Variants in NTNG1 observed in about 807,000 individuals in gnomAD.
NTNG1 encodes netrin G1.
Under a neutral mutation model 54.0 loss-of-function variants are expected in NTNG1, and 16 were observed. The observed-to-expected ratio is 0.30, with a 90% confidence interval of 0.20 to 0.45. The LOEUF (loss-of-function observed/expected upper bound fraction) is 0.45. Ranked by LOEUF, NTNG1 falls within the 20% of genes least tolerant of loss-of-function variation. The pLI, the probability that NTNG1 is intolerant of heterozygous loss-of-function variation, is 1.00. For synonymous variants in NTNG1, 255 were observed against 263.1 expected, an observed-to-expected ratio of 0.97 and a Z score of 0.30; for missense variants, 530 against 678.7, an observed-to-expected ratio of 0.78 and a Z score of 2.43.
intron 2 of NTNG1, among the ~76,000 whole-genome samples, chr1:107,249,438 C>CAT (rs1662437800): frequency 6.8e-6 from 1 of 146,402 alleles, no homozygotes. Flanking sequence ...GCCGAGATGG[C>CAT]GCCATTGCAC....
intron 7 of NTNG1, among the ~76,000 whole-genome samples, chr1:107,475,909 C>T (rs1475689361): frequency 2.6e-5 from 4 of 152,182 alleles, no homozygotes; most frequent in African/African-American, 9.7e-5. Context: ...GTCAAATACC[C>T]ATGGGAGCAA....
intron 2 of NTNG1, among the ~76,000 whole-genome samples, chr1:107,189,819 T>TA (rs66974543): frequency 5.6e-5 from 8 of 143,644 alleles, no homozygotes; most frequent in African/African-American, 1.6e-4. Context: ...AGTCAAAAGT[T>TA]AAAAAAAAAA....
At chr1:107,154,720 T>G (rs922030395) in intron 2 of NTNG1, among the ~76,000 whole-genome samples, 1 of 150,172 alleles carries the variant, frequency 6.7e-6, no homozygotes, top group Non-Finnish European at 1.5e-5. Context: ...ATAGCCAGGA[T>G]GGAAGAGGAA....
At chr1:107,466,243 T>C (rs1388279965) in intron 7 of NTNG1, among the ~76,000 whole-genome samples, 1 of 152,244 alleles carries the variant, frequency 6.6e-6, no homozygotes, top group African/African-American at 2.4e-5. Flanking sequence ...GGCTGTAGCA[T>C]GTCTGTGCAA....
chr1:107,370,321 T>G (rs967335348), intron 3 of NTNG1, among the ~76,000 whole-genome samples: 1 of 151,968 alleles, frequency 6.6e-6, no homozygotes, highest in Non-Finnish European at 1.5e-5. Flanking sequence ...ATTGATAAGT[T>G]TAGGGAGAAT....
rs973773792 is a variant in NTNG1, at chr1:107,304,411, T to G, written c.247-19871T>G. Among the ~76,000 whole-genome samples the G allele has an allele frequency of 3.9e-5, 6 of 152,296 alleles. No homozygotes were observed. In the East Asian group the frequency reaches 1.2e-3, roughly 29 times the overall value. On this transcript the variant is annotated intron_variant, in intron 2 of 7. Transcript: ENST00000370068. ...GTAACTGAATTTGGTGTTTTCACAT[T>G]TATGGCCAAATACATGAATTCTTCC...
intron 2 of NTNG1, among the ~76,000 whole-genome samples, chr1:107,278,323 A>G (rs78796337): frequency 0.014 from 2,194 of 152,220 alleles, 55 homozygotes; most frequent in African/African-American, 0.05. Flanking sequence ...ATATAAGTAT[A>G]CTCTACACTC....
chr1:107,327,885 G>A (rs899942477), intron 3 of NTNG1, among the ~76,000 whole-genome samples: 7 of 151,938 alleles, frequency 4.6e-5, no homozygotes, highest in Non-Finnish European at 8.8e-5. Flanking sequence ...CCAATTCTCC[G>A]TTTCTTTGTG....
chr1:107,388,618 G>A (rs1369778109), intron 3 of NTNG1, among the ~76,000 whole-genome samples: 1 of 152,214 alleles, frequency 6.6e-6, no homozygotes, highest in East Asian at 1.9e-4. Flanking sequence ...GAATTATTCA[G>A]ACAATGGTAG....
At chr1:107,397,206 T>C (rs1273223487) in intron 4 of NTNG1, among the ~76,000 whole-genome samples, 1 of 152,186 alleles carries the variant, frequency 6.6e-6, no homozygotes, top group Non-Finnish European at 1.5e-5. Flanking sequence ...TTTGGACGTT[T>C]TTCCTCATTG....
chr1:107,424,821 G>T (rs1383014073), intron 5 of NTNG1, among the ~76,000 whole-genome samples: 1 of 152,102 alleles, frequency 6.6e-6, no homozygotes, highest in East Asian at 1.9e-4. Flanking sequence ...ATTAATTGGG[G>T]AGTCAGTCCA....
At chr1:107,399,994 A>AT (rs1480751951) in intron 4 of NTNG1, among the ~76,000 whole-genome samples, 1 of 151,972 alleles carries the variant, frequency 6.6e-6, no homozygotes, top group African/African-American at 2.4e-5. Context: ...TCAGTCTACA[A>AT]TTTTTTCTTG....
intron 2 of NTNG1, among the ~76,000 whole-genome samples, chr1:107,291,298 T>C (rs1390803916): frequency 6.6e-6 from 1 of 152,152 alleles, no homozygotes; most frequent in East Asian, 1.9e-4. Context: ...TAGTATATAA[T>C]ACATATAACA....
At chr1:107,465,537 G>A (rs1677548774) in intron 7 of NTNG1, among the ~76,000 whole-genome samples, 1 of 152,182 alleles carries the variant, frequency 6.6e-6, no homozygotes, top group Non-Finnish European at 1.5e-5. Flanking sequence ...TAGATCATCT[G>A]CCATAAGGCT....
At chr1:107,456,986 C>T (rs1676994587) in intron 7 of NTNG1, among the ~76,000 whole-genome samples, 1 of 152,272 alleles carries the variant, frequency 6.6e-6, no homozygotes, top group East Asian at 1.9e-4. Context: ...AGCACAACAC[C>T]ATCCACACAT....
intron 2 of NTNG1, among the ~76,000 whole-genome samples, chr1:107,170,973 G>A (rs1656183397): frequency 6.6e-6 from 1 of 152,022 alleles, no homozygotes; most frequent in Non-Finnish European, 1.5e-5. Context: ...AATATTTAGT[G>A]TCCCAATCCA....
chr1:107,166,234 A>G (rs908595346), intron 2 of NTNG1, among the ~76,000 whole-genome samples: 1 of 152,180 alleles, frequency 6.6e-6, no homozygotes, highest in African/African-American at 2.4e-5. Context: ...AAATAGAAGG[A>G]CATTCTAGCT....
chr1:107,430,932 A>G lies in NTNG1; in HGVS notation c.1255+15A>G, dbSNP rs931315367. 1 of 1,610,036 alleles carries G rather than the reference A, an allele frequency of 6.2e-7. No homozygotes were observed. Among genetic ancestry groups the G allele is most frequent in the Non-Finnish European group, 8.5e-7 (1 of 1,177,508 alleles). ...TGTGTGCATAGGTCAGTTCCATTAC[A>G]ATTTCAGCTATTCTTCTGTGCCTTT... On this transcript the variant is annotated intron_variant, in intron 6 of 7. Coordinates refer to ENST00000370068, the MANE Select transcript of NTNG1 (RefSeq NM_001113226.3).
At chr1:107,323,000 T>C (rs149891639) in intron 2 of NTNG1, among the ~76,000 whole-genome samples, 10 of 151,862 alleles carry the variant, frequency 6.6e-5, no homozygotes, top group Admixed American at 1.3e-4. Flanking sequence ...TTATATTTCA[T>C]AGGAGTCAGC....
Sources: gnomAD v4.1 joint callset for allele counts (sites outside exome capture counted in the v4.1 genomes callset) on GRCh38, gnomAD v4.1.1 for gene constraint, MANE v1.5 for transcripts, NCBI Gene and HGNC (gene_info 2026-07-23, HGNC 2026-07-21) for gene names.